The following BABAM2 variants were observed in gnomAD, a reference collection of about 807,000 sequenced individuals.
The protein encoded by BABAM2 is BRISC and BRCA1 A complex member 2.
BABAM2 carries 31 observed loss-of-function variants against 54.7 expected under a neutral mutation model. The ratio of observed to expected loss-of-function variants is 0.57; its 90% CI spans 0.43 to 0.77. The LOEUF (loss-of-function observed/expected upper bound fraction) is 0.77. Among genes scored for constraint, BABAM2 ranks in the 30% least tolerant of loss-of-function variants. BABAM2 has a pLI of 0.00. For synonymous variants in BABAM2, 167 were observed against 162.9 expected (o/e 1.03, Z -0.19); for missense variants, 364 against 455.8 (o/e 0.80, Z 1.83).
chr2:27,979,436 GT>G (rs1671849113), intron 3 of BABAM2, among the ~76,000 whole-genome samples: 1 of 151,770 alleles, frequency 6.6e-6, no homozygotes, highest in South Asian at 2.1e-4. Context: ...GAGTATATGT[GT>G]TTTTTTCATA....
intron 7 of BABAM2, among the ~76,000 whole-genome samples, chr2:28,162,245 A>T (rs1673172705): frequency 6.6e-6 from 1 of 152,200 alleles, no homozygotes; most frequent in Non-Finnish European, 1.5e-5. Context: ...CGCATACCTC[A>T]CACCGGGACA....
chr2:28,308,104 G>A (rs1572388533), intron 11 of BABAM2: 1 of 252,610 alleles, frequency 4.0e-6, no homozygotes, highest in Non-Finnish European at 7.9e-6. Flanking sequence ...TTTGCCGAGG[G>A]CACACAGCTG....
intron 7 of BABAM2, among the ~76,000 whole-genome samples, chr2:28,155,688 A>G (rs1346200431): frequency 6.6e-6 from 1 of 152,204 alleles, no homozygotes; most frequent in Non-Finnish European, 1.5e-5. Context: ...GGTGCTGGAG[A>G]TAATGAGCTA....
At chr2:28,144,066 C>G (rs567839292) in intron 7 of BABAM2, among the ~76,000 whole-genome samples, 1 of 152,234 alleles carries the variant, frequency 6.6e-6, no homozygotes, top group Non-Finnish European at 1.5e-5. Context: ...GTGTGAACTA[C>G]TGGACGTTAC....
At chr2:28,045,441 A>G (rs1353898652) in intron 5 of BABAM2, among the ~76,000 whole-genome samples, 2 of 152,206 alleles carry the variant, frequency 1.3e-5, no homozygotes, top group African/African-American at 4.8e-5. Flanking sequence ...TATTCTTTTC[A>G]TACTTTTAAG....
Position 28,245,180 on chromosome 2 carries a change from A to G in BABAM2, c.934+318A>G, listed in dbSNP as rs571886035. ...TGCAGCTAAACATCCTACAATGCAC[A>G]TGACAGCCCCTCACACACACACACA... On this transcript the variant is annotated intron_variant, in intron 10 of 11. Transcript: ENST00000379624. Among the ~76,000 whole-genome samples, 12 of 152,230 alleles carry G rather than the reference A, an allele frequency of 7.9e-5. No homozygotes were observed. The East Asian group carries it at 2.3e-3, about 29-fold the overall frequency.
chr2:28,026,877 T>TAAAA (rs1675801904), intron 5 of BABAM2, among the ~76,000 whole-genome samples: 1 of 50,844 alleles, frequency 2.0e-5, no homozygotes, highest in African/African-American at 8.8e-5. Context: ...TATATATTTA[T>TAAAA]ATATATATAG....
At chr2:28,261,148 G>A (rs1433564434) in intron 10 of BABAM2, among the ~76,000 whole-genome samples, 1 of 151,388 alleles carries the variant, frequency 6.6e-6, no homozygotes, top group Admixed American at 6.6e-5. Context: ...CACCATAATG[G>A]TCAGACTGGT....
At chr2:28,182,968 T>A (rs750471209) in intron 7 of BABAM2, among the ~76,000 whole-genome samples, 8 of 152,186 alleles carry the variant, frequency 5.3e-5, no homozygotes, top group Non-Finnish European at 8.8e-5. Context: ...CTTTACAAGA[T>A]AGACCAAAGC....
chr2:27,915,327 G>A (rs946953046), intron 2 of BABAM2, among the ~76,000 whole-genome samples: 10 of 152,168 alleles, frequency 6.6e-5, no homozygotes, highest in Admixed American at 6.5e-5. Context: ...ACTCGTGACA[G>A]CAAGTGCTCT....
intron 7 of BABAM2, among the ~76,000 whole-genome samples, chr2:28,206,919 AG>A (rs1370787247): frequency 6.6e-6 from 1 of 152,188 alleles, no homozygotes; most frequent in Non-Finnish European, 1.5e-5. Context: ...GAAGGAGGAG[AG>A]GGAAAGAATA....
intron 6 of BABAM2, among the ~76,000 whole-genome samples, chr2:28,088,683 G>A (rs749842624): frequency 6.6e-6 from 1 of 152,188 alleles, no homozygotes; most frequent in Non-Finnish European, 1.5e-5. Flanking sequence ...CTGGGAGGGG[G>A]ACAAAGGCAT....
At chr2:28,022,290 C>T (rs908124317) in intron 4 of BABAM2, among the ~76,000 whole-genome samples, 6 of 152,156 alleles carry the variant, frequency 3.9e-5, no homozygotes, top group South Asian at 2.1e-4. Context: ...AGTGCCAGTT[C>T]GTTGGTTCAA....
chr2:28,093,339 C>T (rs1366133065), intron 6 of BABAM2, among the ~76,000 whole-genome samples: 1 of 152,116 alleles, frequency 6.6e-6, no homozygotes. Flanking sequence ...AAGTTAAACT[C>T]TTGCTCAGAG....
intron 11 of BABAM2, among the ~76,000 whole-genome samples, chr2:28,320,309 GA>G (rs934921510): frequency 6.6e-6 from 1 of 152,240 alleles, no homozygotes; most frequent in Non-Finnish European, 1.5e-5. Flanking sequence ...CCTGTTGTGA[GA>G]CCCAAATGTG....
intron 3 of BABAM2, among the ~76,000 whole-genome samples, chr2:27,982,664 G>A (rs1672094302): frequency 6.6e-6 from 1 of 150,894 alleles, no homozygotes; most frequent in Non-Finnish European, 1.5e-5. Flanking sequence ...CCATTTTTAA[G>A]TGTACACTTC....
At chr2:28,275,767 G>T (rs1405001321) in intron 10 of BABAM2, among the ~76,000 whole-genome samples, 1 of 152,094 alleles carries the variant, frequency 6.6e-6, no homozygotes, top group African/African-American at 2.4e-5. Context: ...TAAACATCCC[G>T]CAGAGAGGAC....
chr2:27,934,223 A>G (rs180700709), intron 3 of BABAM2, among the ~76,000 whole-genome samples: 1 of 152,096 alleles, frequency 6.6e-6, no homozygotes, highest in East Asian at 1.9e-4. Context: ...ATTTTTTTAA[A>G]CTTAAAAATT....
intron 8 of BABAM2, among the ~76,000 whole-genome samples, chr2:28,240,283 G>A (rs1682294828): frequency 6.6e-6 from 1 of 151,826 alleles, no homozygotes; most frequent in Admixed American, 6.6e-5. Flanking sequence ...ACCATACCCA[G>A]CTAATATTTC....
Sources: gnomAD v4.1 joint callset for allele counts (sites outside exome capture counted in the v4.1 genomes callset) on GRCh38, gnomAD v4.1.1 for gene constraint, MANE v1.5 for transcripts, NCBI Gene and HGNC (gene_info 2026-07-23, HGNC 2026-07-21) for gene names.